Variants in BCAR3 observed in about 807,000 individuals in gnomAD.
BCAR3 encodes BCAR3 adaptor protein, NSP family member.
A neutral mutation model predicts 80.1 loss-of-function variants in BCAR3; 37 were observed. The observed-to-expected ratio is 0.46, with a 90% confidence interval of 0.36 to 0.61. The LOEUF (loss-of-function observed/expected upper bound fraction) is 0.61, where lower values mean the gene tolerates loss of function less well. Among genes scored for constraint, BCAR3 ranks in the 20% least tolerant of loss-of-function variants. The pLI is 0.00. For missense variants in BCAR3, 978 were observed against 1,068.2 expected (o/e 0.92, Z 1.18); for synonymous variants, 389 against 418.9 (o/e 0.93, Z 0.87).
At chr1:93,774,290 C>T (rs768823587) in intron 2 of BCAR3, among the ~76,000 whole-genome samples, 9 of 152,032 alleles carry the variant, frequency 5.9e-5, no homozygotes, top group Non-Finnish European at 1.2e-4. Context: ...TCGAGACCAT[C>T]CTGGTCAACA....
intron 2 of BCAR3, among the ~76,000 whole-genome samples, chr1:93,667,809 G>C (rs1476233823): frequency 6.6e-6 from 1 of 152,190 alleles, no homozygotes; most frequent in Non-Finnish European, 1.5e-5. Flanking sequence ...GGGCATATCA[G>C]CCATGTGGCT....
At chr1:93,788,666 G>C (rs1653033422) in intron 2 of BCAR3, among the ~76,000 whole-genome samples, 1 of 152,206 alleles carries the variant, frequency 6.6e-6, no homozygotes, top group Non-Finnish European at 1.5e-5. Flanking sequence ...TAAGGTTTCT[G>C]CTGAGAAATC....
chr1:93,814,474 G>A (rs949265218), intron 2 of BCAR3, among the ~76,000 whole-genome samples: 3 of 152,206 alleles, frequency 2.0e-5, no homozygotes, highest in African/African-American at 7.2e-5. Context: ...ACTTCTAGGC[G>A]GGCAGGGCCT....
intron 2 of BCAR3, among the ~76,000 whole-genome samples, chr1:93,763,825 A>G (rs1652044485): frequency 1.3e-5 from 2 of 152,208 alleles, no homozygotes; most frequent in Admixed American, 1.3e-4. Flanking sequence ...AAATGCTACC[A>G]CTATGGCCGA....
At chr1:93,848,115 A>T (rs1481977145), upstream of BCAR3, 2 of 152,624 alleles carry the variant, frequency 1.3e-5, no homozygotes, top group African/African-American at 2.4e-5. Flanking sequence ...CCAGATGAGC[A>T]GACACCCGAA....
At chr1:93,632,119 G>A (rs147120830) in intron 3 of BCAR3, among the ~76,000 whole-genome samples, 101 of 152,294 alleles carry the variant, frequency 6.6e-4, no homozygotes, top group East Asian at 4.6e-3. Context: ...GCAGAGATGC[G>A]TCCAAATCCT....
chr1:93,787,774 A>T (rs888178266), intron 2 of BCAR3, among the ~76,000 whole-genome samples: 11 of 152,150 alleles, frequency 7.2e-5, no homozygotes, highest in Admixed American at 7.2e-4. Flanking sequence ...TGATGAGAAG[A>T]ATATATATTC....
At chr1:93,591,295 T>G (rs1674172370) in intron 4 of BCAR3, among the ~76,000 whole-genome samples, 2 of 150,168 alleles carry the variant, frequency 1.3e-5, no homozygotes, top group Non-Finnish European at 3.0e-5. Context: ...GCCAACATGG[T>G]GAAACCCCGT....
chr1:93,582,646 G>A lies in BCAR3; in HGVS notation c.1341C>T (p.Pro447=), dbSNP rs149939506. 14 of 1,613,922 alleles carry A rather than the reference G, an allele frequency of 8.7e-6. No individual in the cohort carries two copies. The African/African-American group carries it at 1.1e-4, about 12-fold the overall frequency. ...CTGTGTGGCTTCCCTGGGCACATGA[G>A]GGTAGCTTTGCTCCCCTGCCGCAGC... The part of the protein sequence containing the change: ...ATGCGRGAKL[P]SCAQGSHTEL... Residue 447 remains proline (P), a synonymous_variant, in exon 7 of 12, where the codon CCC becomes CCT. Transcript: ENST00000260502.
chr1:93,579,227 C>T (rs1421441355), intron 7 of BCAR3, among the ~76,000 whole-genome samples: 1 of 152,194 alleles, frequency 6.6e-6, no homozygotes, highest in Non-Finnish European at 1.5e-5. Flanking sequence ...AGAGCCTGCT[C>T]TCAGCTTCTG....
intron 2 of BCAR3, among the ~76,000 whole-genome samples, chr1:93,749,197 C>T (rs1347842251): frequency 6.6e-6 from 1 of 151,870 alleles, no homozygotes; most frequent in African/African-American, 2.4e-5. Flanking sequence ...CTATGGCTTC[C>T]AGAGCCACTA....
chr1:93,693,526 G>C (rs1333902367), intron 3 of BCAR3, among the ~76,000 whole-genome samples: 1 of 152,156 alleles, frequency 6.6e-6, no homozygotes, highest in African/African-American at 2.4e-5. Context: ...GTGAGTCATT[G>C]GCCTTTCTTG....
chr1:93,567,606 G>A (rs990032070), intron 10 of BCAR3, 115 bp from the exon 11 acceptor site: 6 of 1,397,192 alleles, frequency 4.3e-6, no homozygotes, highest in South Asian at 2.6e-5. Flanking sequence ...TACAAGCAAC[G>A]CTGTCATCTG....
At chr1:93,746,682 G>A (rs1651370744) in intron 2 of BCAR3, among the ~76,000 whole-genome samples, 1 of 152,132 alleles carries the variant, frequency 6.6e-6, no homozygotes, top group South Asian at 2.1e-4. Context: ...CCACTCCTTA[G>A]TTTCGACTTT....
rs1557676246 is a variant in BCAR3 at position 93,752,694 on chromosome 1, T to C, written c.-62-46552A>G. On this transcript the variant is annotated intron_variant, in intron 2 of 13. Transcript: ENST00000370244. ...GAGGGGTGATCTGAGCTCTGTGACA[T>C]TTGTGAGTGTTGTCTGTGAGCCCAG... 2.0e-5 allele frequency among the ~76,000 whole-genome samples: 3 copies of C among 152,324 alleles called. No individual in the cohort carries two copies. The East Asian group carries it at 5.8e-4, about 29-fold the overall frequency.
intron 2 of BCAR3, among the ~76,000 whole-genome samples, chr1:93,736,569 G>A (rs1650979151): frequency 6.6e-6 from 1 of 152,236 alleles, no homozygotes; most frequent in South Asian, 2.1e-4. Context: ...GTTCATGTAT[G>A]TAGACAGAAA....
intron 2 of BCAR3, among the ~76,000 whole-genome samples, chr1:93,829,441 A>G (rs1019807214): frequency 5.3e-5 from 8 of 152,160 alleles, no homozygotes; most frequent in African/African-American, 1.7e-4. Flanking sequence ...CTGCATTTAC[A>G]TATAAAAACT....
At chr1:93,652,362 T>C (rs1022398819) in intron 2 of BCAR3, among the ~76,000 whole-genome samples, 1 of 152,206 alleles carries the variant, frequency 6.6e-6, no homozygotes, top group Non-Finnish European at 1.5e-5. Context: ...ATTAAAATTA[T>C]ATTTAAATGC....
intron 3 of BCAR3, among the ~76,000 whole-genome samples, chr1:93,628,073 A>G (rs1675504429): frequency 6.6e-6 from 1 of 152,184 alleles, no homozygotes; most frequent in Non-Finnish European, 1.5e-5. Flanking sequence ...GTGACACTGA[A>G]TCATTCTACT....
Sources: gnomAD v4.1 joint callset for allele counts (sites outside exome capture counted in the v4.1 genomes callset) on GRCh38, gnomAD v4.1.1 for gene constraint, MANE v1.5 for transcripts, NCBI Gene and HGNC (gene_info 2026-07-23, HGNC 2026-07-21) for gene names.